The following TST variants were observed in gnomAD, a reference collection of about 807,000 sequenced individuals.
TST encodes epididymis secretory sperm binding protein.
Under a neutral mutation model 20.4 loss-of-function variants are expected in TST, and 22 were observed. The observed-to-expected ratio is 1.08, with a 90% confidence interval of 0.77 to 1.54. The LOEUF is 1.54. TST is among the 40% of genes most tolerant of loss of function. The pLI is 0.00. For missense variants in TST, 392 were observed against 405.2 expected, an observed-to-expected ratio of 0.97 and a Z score of 0.28; for synonymous variants, 187 against 173.8, an observed-to-expected ratio of 1.08 and a Z score of -0.60.
At chr22:37,019,104 G>A (rs1922846721) in intron 1 of TST, 2 of 196,118 alleles carry the variant, frequency 1.0e-5, no homozygotes, top group African/African-American at 2.3e-5. Context: ...GGGATGGGGG[G>A]CGATGGCATC....
chr22:37,014,924 C>G (rs1309652321), intron 2 of TST, among the ~76,000 whole-genome samples: 5 of 152,152 alleles, frequency 3.3e-5, no homozygotes, highest in African/African-American at 1.2e-4. Flanking sequence ...AAGAGGCAGC[C>G]CTGCACCTTC....
rs927458183 is a variant in TST at position 37,010,943 on chromosome 22, C to G, written c.*84G>C. ...CAGCAATTCTAAAAACATGTCATCTCCTTCACCTAAGAGGTAAGAACCGGC... is the reference window on the plus strand; with the variant it reads ...CAGCAATTCTAAAAACATGTCATCTGCTTCACCTAAGAGGTAAGAACCGGC... On this transcript the variant is annotated 3_prime_UTR_variant, in exon 3 of 3. Coordinates refer to ENST00000249042, the MANE Select transcript of TST (RefSeq NM_003312.6). 169 of 1,510,638 alleles carry G rather than the reference C, an allele frequency of 1.1e-4. 1 individual carries two copies. The highest frequency in any genetic ancestry group is 7.4e-4 in the Middle Eastern group (3 of 4,050). The allele number at this position is 1,510,638 out of a possible 1,614,324, so 93.6% of individuals were successfully genotyped here. A position where few individuals can be genotyped will look rare whatever the true frequency, so the allele number is the denominator to read the frequency against.
Position 37,019,430 on chromosome 22 carries a change from C to G in TST, c.-52G>C, listed in dbSNP as rs917306701. The stretch of plus-strand genomic sequence containing the variant: ...CCGGACGCCGCGCTGGCGCTCGCCC[C>G]GGCCGGCTGGAGAAGTTGGCCGGTT... On this transcript the variant is annotated 5_prime_UTR_variant, in exon 1 of 3. Coordinates refer to ENST00000249042, the MANE Select transcript of TST (RefSeq NM_003312.6). 1 of 151,406 alleles carries G rather than the reference C, an allele frequency of 6.6e-6. No individual in the cohort carries two copies. The highest frequency in any genetic ancestry group is 1.5e-5 in the Non-Finnish European group (1 of 67,840). 9.4% of individuals were successfully genotyped at this position (151,406 alleles called of 1,614,324 possible).
chr22:37,011,943 C>T (rs1041918040), intron 2 of TST, among the ~76,000 whole-genome samples: 2 of 152,214 alleles, frequency 1.3e-5, no homozygotes, highest in African/African-American at 2.4e-5. Context: ...AGGATTACAT[C>T]GGGGCCTCTG....
chr22:37,014,302 G>A (rs539207065), intron 2 of TST, among the ~76,000 whole-genome samples: 10 of 152,272 alleles, frequency 6.6e-5, no homozygotes, highest in Middle Eastern at 3.4e-3. Context: ...CCCAGGAGGC[G>A]GAGCTTAAAA....
In TST at chr22:37,018,235, C is replaced by G; in HGVS notation, c.498G>C (p.Glu166Asp). 6.2e-7 allele frequency: 1 copy of G among 1,613,984 alleles called. No individual in the cohort carries two copies. The highest frequency in any genetic ancestry group is 8.5e-7 in the Non-Finnish European group (1 of 1,180,020). The part of the protein sequence containing the change: ...TLDRSLLKTY[E>D]QVLENLESKR... The stretch of plus-strand genomic sequence containing the variant: ...TAGATTCAAGGTTCTCCAGCACCTG[C>G]TCGTAGGTCTTGAGCAGGGAGCGGT... The change falls in exon 2 of 3, where the codon GAG becomes GAC. Residue 166 changes from glutamate (E) to aspartate (D), a missense_variant. Physicochemically the swap from Glu to Asp is conservative, Grantham distance 45. Coordinates refer to ENST00000249042, the MANE Select transcript of TST (RefSeq NM_003312.6).
intron 2 of TST, among the ~76,000 whole-genome samples, chr22:37,016,330 G>A (rs1319761291): frequency 6.6e-6 from 1 of 152,098 alleles, no homozygotes; most frequent in African/African-American, 2.4e-5. Flanking sequence ...AACCCAGAGA[G>A]GCCAAGCAAC....
At chr22:37,019,841 C>T, upstream of TST, 1 of 1,216,986 alleles carries the variant, frequency 8.2e-7, no homozygotes, top group Non-Finnish European at 1.0e-6. Context: ...GGGGCCATGG[C>T]GGAGCCAGGA....
chr22:37,020,138 A>C, upstream of TST: 1 of 371,992 alleles, frequency 2.7e-6, no homozygotes. Context: ...AGAGAGGAGG[A>C]CAGGGAGACG....
intron 2 of TST, among the ~76,000 whole-genome samples, chr22:37,015,223 C>T (rs1385551886): frequency 2.0e-5 from 3 of 152,216 alleles, no homozygotes; most frequent in Non-Finnish European, 2.9e-5. Flanking sequence ...CCTGCCTCCC[C>T]TTGCAGGGCT....
rs961332239 is a variant in TST, at chr22:37,018,673, G to C, written c.60C>G (p.Ile20Met). 1.9e-6 allele frequency: 3 copies of C among 1,540,604 alleles called. No homozygotes were observed. Among genetic ancestry groups the C allele is most frequent in the Non-Finnish European group, 2.6e-6 (3 of 1,145,074 alleles). Residue 20 changes from isoleucine (I) to methionine (M), a missense_variant, in exon 2 of 3, where the codon ATC (isoleucine) becomes ATG (methionine). Transcript: ENST00000249042. ...GGCCGGGCCCCAGCTTGCCAGTCCT[G>C]ATGGACTCCGCCAGCCACTTGGTGG... ...LVSTKWLAES[I>M]RTGKLGPGLR...
At chr22:37,014,189 C>T (rs1429204253) in intron 2 of TST, among the ~76,000 whole-genome samples, 1 of 152,060 alleles carries the variant, frequency 6.6e-6, no homozygotes, top group Non-Finnish European at 1.5e-5. Flanking sequence ...GGTGAAACCC[C>T]GTCTCTACTA....
Position 37,011,334 on chromosome 22 carries a change from G to GGCAGA in TST, c.596-14_596-10dup, listed in dbSNP as rs1307294333. 2 of 1,607,122 alleles carry GGCAGA rather than the reference G, an allele frequency of 1.2e-6. No homozygotes were observed. Among genetic ancestry groups the GGCAGA allele is most frequent in the South Asian group, 2.2e-5 (2 of 90,766 alleles). ...ATGGCCCGAGTCCAGTCCTGGGCAGGGCAGAGGACACAGCTTAGGGGATGT... is the reference window on the plus strand; with the variant it reads ...ATGGCCCGAGTCCAGTCCTGGGCAGGGCAGAGCAGAGGACACAGCTTAGGGGATGT... On this transcript the variant is annotated splice_polypyrimidine_tract_variant and intron_variant, in intron 2 of 2. Transcript: ENST00000249042.
At chr22:37,019,904 TGGAGGG>T, upstream of TST, 1 of 1,123,254 alleles carries the variant, frequency 8.9e-7, no homozygotes, top group Non-Finnish European at 1.1e-6. Flanking sequence ...CTTGCCTTTC[TGGAGGG>T]GGAGGGAGTG....
intron 1 of TST, 48 bp from the exon 2 acceptor site, chr22:37,018,801 G>T: frequency 7.4e-7 from 1 of 1,347,376 alleles, no homozygotes; most frequent in Non-Finnish European, 9.8e-7. Context: ...GAGGAAGGAA[G>T]TCGGTGTGTG....
intron 2 of TST, among the ~76,000 whole-genome samples, chr22:37,017,167 G>A (rs1922711725): frequency 6.6e-6 from 1 of 152,210 alleles, no homozygotes; most frequent in African/African-American, 2.4e-5. Context: ...CAGGAGTGAT[G>A]GCAGCGAGAC....
chr22:37,017,291 T>C (rs754571904), intron 2 of TST, among the ~76,000 whole-genome samples: 2 of 152,124 alleles, frequency 1.3e-5, no homozygotes, highest in East Asian at 3.9e-4. Context: ...CAGTATCCAA[T>C]CCACCTGGCC....
upstream of TST, chr22:37,019,801 G>A: frequency 9.0e-7 from 1 of 1,108,294 alleles, no homozygotes; most frequent in Non-Finnish European, 1.1e-6. Context: ...GGGGACAGCT[G>A]CGGGCGCGGG....
At chr22:37,018,804 G>T in intron 1 of TST, 51 bp from the exon 2 acceptor site, 1 of 1,313,046 alleles carries the variant, frequency 7.6e-7, no homozygotes, top group Non-Finnish European at 1.0e-6. Context: ...GAAGGAAGTC[G>T]GTGTGTGCAG....
Sources: gnomAD v4.1 joint callset for allele counts (sites outside exome capture counted in the v4.1 genomes callset) on GRCh38, gnomAD v4.1.1 for gene constraint, MANE v1.5 for transcripts, NCBI Gene and HGNC (gene_info 2026-07-23, HGNC 2026-07-21) for gene names.